Variants in ARHGEF10L observed in about 807,000 individuals in gnomAD.
ARHGEF10L encodes rho guanine nucleotide exchange factor 10-like protein.
In ARHGEF10L, 69 loss-of-function variants were observed where a neutral mutation model predicts 141.2. That is an observed-to-expected ratio of 0.49 (90% CI 0.40 to 0.60). ARHGEF10L has a LOEUF of 0.60. Among genes scored for constraint, ARHGEF10L ranks in the 20% least tolerant of loss-of-function variants. The probability of loss-of-function intolerance (pLI) is 0.00; values close to 1 mark genes in which losing one functional copy is unlikely to be tolerated. For missense variants in ARHGEF10L, 1,482 were observed against 1,734.3 expected (o/e 0.85, Z 2.58); for synonymous variants, 711 against 718.5 (o/e 0.99, Z 0.17).
At chr1:17,632,552 A>G (rs2060759430) in intron 16 of ARHGEF10L, 86 bp downstream of exon 16, 5 of 1,553,606 alleles carry the variant, frequency 3.2e-6, no homozygotes, top group Middle Eastern at 1.7e-4. Flanking sequence ...CGGCCGCACT[A>G]CAGTGGGACC....
At chr1:17,685,478 T>A (rs774171336) in intron 26 of ARHGEF10L, among the ~76,000 whole-genome samples, 6 of 152,222 alleles carry the variant, frequency 3.9e-5, no homozygotes, top group Non-Finnish European at 7.3e-5. Flanking sequence ...TTCCTCCCCA[T>A]TATTCAGGTC....
intron 11 of ARHGEF10L, among the ~76,000 whole-genome samples, chr1:17,622,249 C>T (rs2060145988): frequency 6.6e-6 from 1 of 152,136 alleles, no homozygotes; most frequent in Non-Finnish European, 1.5e-5. Context: ...TCTGGAAGCC[C>T]CTGGGGCTTG....
chr1:17,643,049 A>G (rs1241009822), intron 21 of ARHGEF10L, among the ~76,000 whole-genome samples: 1 of 152,222 alleles, frequency 6.6e-6, no homozygotes, highest in African/African-American at 2.4e-5. Context: ...TTTTAATGGA[A>G]GAAGAGTCAT....
rs1448581883 is a variant in ARHGEF10L, at chr1:17,656,409, T to TG, written c.2706-143dup. The TG allele has an allele frequency of 5.0e-6, 5 of 1,008,214 alleles. No homozygotes were observed. Among genetic ancestry groups the TG allele is most frequent in the Admixed American group, 4.7e-5 (2 of 42,648 alleles). The allele number at this position is 1,008,214 out of a possible 1,614,324, so 62.5% of individuals were successfully genotyped here. A position where few individuals can be genotyped will look rare whatever the true frequency, so the allele number is the denominator to read the frequency against. ...CATGGAAAAGTGAGCTCCCGCATGG[T>TG]GGAGCTATGGCCTGGCCACACAGCC... is the stretch of plus-strand genomic sequence containing the variant. On this transcript the variant is annotated intron_variant, in intron 24 of 28. Transcript: ENST00000361221. The surrounding 1 kb of genome is among the most constrained non-coding windows in gnomAD (Gnocchi z 4.9).
At chr1:17,695,106 C>A in intron 27 of ARHGEF10L, 52 bp from the exon 28 acceptor site, 2 of 1,608,706 alleles carry the variant, frequency 1.2e-6, no homozygotes, top group Non-Finnish European at 1.7e-6. Flanking sequence ...GTACCCAGAG[C>A]CCATGCTGTC....
At chr1:17,591,009 A>C (rs775222753) in intron 4 of ARHGEF10L, among the ~76,000 whole-genome samples, 1 of 152,168 alleles carries the variant, frequency 6.6e-6, no homozygotes, top group Non-Finnish European at 1.5e-5. Context: ...ACAAAGAAAC[A>C]AAACCAACCA....
At position 17,690,183 on chromosome 1, in the gene ARHGEF10L, C is replaced by G. The variant is rs1399044828; in HGVS notation, c.3184+2436C>G. Among the ~76,000 whole-genome samples, 7 of 152,166 alleles carry G rather than the reference C, an allele frequency of 4.6e-5. No individual in the cohort carries two copies. The East Asian group carries it at 1.3e-3, about 29-fold the overall frequency. On this transcript the variant is annotated intron_variant, in intron 27 of 28. Coordinates refer to ENST00000361221, the MANE Select transcript of ARHGEF10L (RefSeq NM_018125.4). ...GGGCGGTTGTGTCCCTGTCCTGGGC[C>G]TCAGTTTCCCCATTCATATAACAAA...
chr1:17,628,799 G>T (rs1426057493), intron 15 of ARHGEF10L, among the ~76,000 whole-genome samples: 1 of 152,178 alleles, frequency 6.6e-6, no homozygotes, highest in Non-Finnish European at 1.5e-5. Context: ...AGGGAGAGTG[G>T]CCCTTTCCAT....
At position 17,613,053 on chromosome 1, in the gene ARHGEF10L, T is replaced by C. The variant is rs1232198466; in HGVS notation, c.610-5T>C. ...TTCCTTCTGCCTGGCCGCTTGGGGC[T>C]CCAGCTTTCTCCAGACCTGACTAGG... On this transcript the variant is annotated splice_polypyrimidine_tract_variant and splice_region_variant and intron_variant, in intron 7 of 28. Transcript: ENST00000361221. The C allele has an allele frequency of 1.9e-6, 3 of 1,611,012 alleles. No individual in the cohort carries two copies. Among genetic ancestry groups the C allele is most frequent in the Non-Finnish European group, 1.7e-6 (2 of 1,177,588 alleles).
In ARHGEF10L at chr1:17,655,946, G is replaced by T; in HGVS notation, c.2549G>T (p.Arg850Leu). Reference sequence around the variant, plus strand: ...TTTTCCTTGAACCGGCCCTCGCCCCGCACCGTCAAGTCCTTCCCACTGGCA... The same window carrying T: ...TTTTCCTTGAACCGGCCCTCGCCCCTCACCGTCAAGTCCTTCCCACTGGCA... ...EIFSLNRPSP[R>L]TVKSFPLAAP... The change falls in exon 24 of 29, where the codon CGC becomes CTC. Residue 850 changes from arginine (R) to leucine (L), a missense_variant. Physicochemically the swap from Arg to Leu is moderately radical, Grantham distance 102. This residue lies in a region of ARHGEF10L where 858 missense variants were observed against 966.3 expected (regional missense o/e 0.89). Coordinates refer to ENST00000361221, the MANE Select transcript of ARHGEF10L (RefSeq NM_018125.4). 1 of 1,560,294 alleles carries T rather than the reference G, an allele frequency of 6.4e-7. No individual in the cohort carries two copies. The highest frequency in any genetic ancestry group is 1.2e-5 in the South Asian group (1 of 84,754).
chr1:17,583,202 TAAAAAAAA>T (rs59088704), intron 2 of ARHGEF10L, among the ~76,000 whole-genome samples: 235 of 111,770 alleles, frequency 2.1e-3, no homozygotes, highest in Non-Finnish European at 3.0e-3. Flanking sequence ...GAGCTTCATT[TAAAAAAAA>T]AAAAAAAAAA....
rs796563270 is a variant in ARHGEF10L at position 17,601,076 on chromosome 1, C to A, written c.258-1051C>A. 2.6e-3 allele frequency among the ~76,000 whole-genome samples: 330 copies of A among 128,276 alleles called. 3 individuals are homozygous for A. The highest frequency in any genetic ancestry group is 0.019 in the East Asian group (90 of 4,684). 84.2% of individuals were successfully genotyped at this position (128,276 alleles called of 152,430 possible). On this transcript the variant is annotated intron_variant, in intron 4 of 28. Transcript: ENST00000361221. ...AAAAAAAAAAAAAAAAAACAAAAAA[C>A]AAAAAACTCTAAAAAAACAAAAAGA...
At chr1:17,643,981 A>G (rs1212893989) in intron 21 of ARHGEF10L, among the ~76,000 whole-genome samples, 1 of 151,962 alleles carries the variant, frequency 6.6e-6, no homozygotes, top group East Asian at 1.9e-4. Flanking sequence ...GGGCTCCCTC[A>G]TTTCCCTCCT....
At chr1:17,669,516 C>G (rs1382038925) in intron 26 of ARHGEF10L, among the ~76,000 whole-genome samples, 1 of 152,180 alleles carries the variant, frequency 6.6e-6, no homozygotes, top group Non-Finnish European at 1.5e-5. Flanking sequence ...GGTCACACAG[C>G]TAGAAGAGGC....
intron 1 of ARHGEF10L, among the ~76,000 whole-genome samples, chr1:17,564,304 G>A (rs1345899510): frequency 6.6e-6 from 1 of 152,190 alleles, no homozygotes; most frequent in Non-Finnish European, 1.5e-5. Context: ...GCTTAGGGCT[G>A]GGACCCAGAG....
At chr1:17,640,709 C>T (rs1190331199) in intron 21 of ARHGEF10L, among the ~76,000 whole-genome samples, 2 of 152,078 alleles carry the variant, frequency 1.3e-5, no homozygotes, top group African/African-American at 2.4e-5. Context: ...GTGGCGTGTG[C>T]ACTTTAAAAG....
At chr1:17,651,455 G>A (rs549858102) in intron 22 of ARHGEF10L, among the ~76,000 whole-genome samples, 1 of 152,310 alleles carries the variant, frequency 6.6e-6, no homozygotes, top group South Asian at 2.1e-4. Context: ...CTGGCCCTGG[G>A]TGACTTTATG....
At chr1:17,579,756 C>G (rs2078399226) in intron 1 of ARHGEF10L, among the ~76,000 whole-genome samples, 1 of 152,196 alleles carries the variant, frequency 6.6e-6, no homozygotes, top group Non-Finnish European at 1.5e-5. Flanking sequence ...CTCTCCTCCA[C>G]AAGATGTCTA....
At chr1:17,643,507 G>A (rs1169776588) in intron 21 of ARHGEF10L, among the ~76,000 whole-genome samples, 3 of 152,180 alleles carry the variant, frequency 2.0e-5, no homozygotes, top group African/African-American at 7.2e-5. Flanking sequence ...GATCTCCAAG[G>A]GCCCTGTTGC....
Sources: gnomAD v4.1 joint callset for allele counts (sites outside exome capture counted in the v4.1 genomes callset) on GRCh38, gnomAD v4.1.1 for gene constraint, gnomAD v4.1.1 regional missense constraint, Gnocchi (gnomAD v3.1) non-coding constraint, MANE v1.5 for transcripts, NCBI Gene and HGNC (gene_info 2026-07-23, HGNC 2026-07-21) for gene names.